The following EBF3 variants were observed in gnomAD, a reference collection of about 807,000 sequenced individuals.
EBF3 encodes EBF transcription factor 3, also known as transcription factor COE3.
In EBF3, 18 loss-of-function variants were observed where a neutral mutation model predicts 77.1. That is an observed-to-expected ratio of 0.23 (90% confidence interval 0.16 to 0.35). EBF3 has a LOEUF of 0.35. Ranked by LOEUF, EBF3 falls within the 10% of genes least tolerant of loss-of-function variation. The pLI, the probability that EBF3 is intolerant of heterozygous loss-of-function variation, is 1.00. For synonymous variants in EBF3, 350 were observed against 343.5 expected (o/e 1.02, Z -0.21); for missense variants, 558 against 860.0 (o/e 0.65, Z 4.39).
chr10:129,886,354 G>A (rs1853584289), intron 6 of EBF3, among the ~76,000 whole-genome samples: 1 of 152,218 alleles, frequency 6.6e-6, no homozygotes, highest in African/African-American at 2.4e-5. Flanking sequence ...TGCAGGTAAT[G>A]CAGCTTAATG....
In EBF3 at chr10:129,935,270, A is replaced by G. The variant is rs1015679300; in HGVS notation, c.554+21988T>C. On this transcript the variant is annotated intron_variant, in intron 6 of 16. Transcript: ENST00000440978. The surrounding 1 kb of genome is among the most constrained non-coding windows in gnomAD (Gnocchi z 4.2). Reference sequence around the variant, plus strand: ...CACTGTGGCCCATGGCTGTCCCAGCACCCAGAGTGGAGTTGGGAACCAGGC... The same window carrying G: ...CACTGTGGCCCATGGCTGTCCCAGCGCCCAGAGTGGAGTTGGGAACCAGGC... Among the ~76,000 whole-genome samples the G allele has an allele frequency of 2.0e-5, 3 of 152,096 alleles. No homozygotes were observed. The highest frequency in any genetic ancestry group is 7.2e-5 in the African/African-American group (3 of 41,414).
chr10:129,963,292 G>T lies in EBF3; in HGVS notation c.291+75C>A. 1 of 1,537,614 alleles carries T rather than the reference G, an allele frequency of 6.5e-7. No homozygotes were observed. Among genetic ancestry groups the T allele is most frequent in the South Asian group, 1.2e-5 (1 of 82,430 alleles). ...GAGCCCGCCGCCTAGGGGGGCACTC[G>T]AACCCCCGCGCACCGGCACCGCCTG... is the stretch of plus-strand genomic sequence containing the variant. On this transcript the variant is annotated intron_variant, in intron 2 of 16. Transcript: ENST00000440978. The surrounding 1 kb of genome is among the most constrained non-coding windows in gnomAD (Gnocchi z 7.1).
In EBF3 at chr10:129,963,050, G is replaced by C; in HGVS notation, c.292-45C>G. ...ATTGCATTTAGTGCGATCGGTGTCA[G>C]GCGCGGCCACCACGCTCGGTCCCCC... is the stretch of plus-strand genomic sequence containing the variant. On this transcript the variant is annotated intron_variant, in intron 2 of 16. Transcript: ENST00000440978. The surrounding 1 kb of genome is among the most constrained non-coding windows in gnomAD (Gnocchi z 7.1). 1 of 1,612,236 alleles carries C rather than the reference G, an allele frequency of 6.2e-7. No homozygotes were observed. Among genetic ancestry groups the C allele is most frequent in the Non-Finnish European group, 8.5e-7 (1 of 1,178,458 alleles).
chr10:129,930,988 CA>C (rs1000426201), intron 6 of EBF3, among the ~76,000 whole-genome samples: 3 of 143,676 alleles, frequency 2.1e-5, no homozygotes, highest in African/African-American at 7.8e-5. Context: ...TATATCTCTA[CA>C]TTAACAAATC....
intron 6 of EBF3, among the ~76,000 whole-genome samples, chr10:129,950,222 A>C (rs1398264374): frequency 1.3e-5 from 2 of 152,170 alleles, no homozygotes; most frequent in Admixed American, 1.3e-4. Context: ...CTTTCCGCAC[A>C]TGTTAAACTC....
Position 129,938,807 on chromosome 10 carries a change from A to G in EBF3, c.554+18451T>C, listed in dbSNP as rs749652078. Among the ~76,000 whole-genome samples, 1 of 152,100 alleles carries G rather than the reference A, an allele frequency of 6.6e-6. No homozygotes were observed. Among genetic ancestry groups the G allele is most frequent in the Non-Finnish European group, 1.5e-5 (1 of 68,022 alleles). On this transcript the variant is annotated intron_variant, in intron 6 of 16. Coordinates refer to ENST00000440978, the MANE Select transcript of EBF3 (RefSeq NM_001375380.1). The surrounding 1 kb of genome is among the most constrained non-coding windows in gnomAD (Gnocchi z 5.1). ...ACATGGGGGTCTTCGTGGCCCATAAAACCAACCTGGGGAAAGAGAACAGAA... is the reference window on the plus strand; with the variant it reads ...ACATGGGGGTCTTCGTGGCCCATAAGACCAACCTGGGGAAAGAGAACAGAA...
chr10:129,935,984 C>CCA lies in EBF3; in HGVS notation c.554+21273_554+21274insTG, dbSNP rs1857330072. Among the ~76,000 whole-genome samples, 1 of 150,884 alleles carries CCA rather than the reference C, an allele frequency of 6.6e-6. No homozygotes were observed. The highest frequency in any genetic ancestry group is 1.5e-5 in the Non-Finnish European group (1 of 68,012). On this transcript the variant is annotated intron_variant, in intron 6 of 16. Transcript: ENST00000440978. The surrounding 1 kb of genome is among the most constrained non-coding windows in gnomAD (Gnocchi z 4.2). ...CGGGGGGCTTCCTGAAGCTGCCCCC[C>CCA]CCGCCCAACAATGCAGCTGGTGCCC...
intron 11 of EBF3, among the ~76,000 whole-genome samples, chr10:129,846,470 C>T (rs1850473271): frequency 6.6e-6 from 1 of 151,810 alleles, no homozygotes; most frequent in Non-Finnish European, 1.5e-5. Context: ...TTTACATCTG[C>T]GGAATCTCAT....
rs2134076746 is a variant in EBF3 at position 129,867,207 on chromosome 10, C to T, written c.973G>A (p.Glu325Lys). Residue 325 changes from glutamate to lysine, a missense_variant, in exon 10 of 17, where the codon GAA becomes AAA. By Grantham distance (56) the Glu-to-Lys change is moderately conservative (BLOSUM62 1). This residue lies in a region of EBF3 where 112 missense variants were observed against 207.7 expected (regional missense o/e 0.54). Coordinates refer to ENST00000440978, the MANE Select transcript of EBF3 (RefSeq NM_001375380.1). ...TTGGATTTGTAGGAGAGGGTCACTTCGACGACGCCAGGAATGTGCCTCGGC... is the reference window on the plus strand; with the variant it reads ...TTGGATTTGTAGGAGAGGGTCACTTTGACGACGCCAGGAATGTGCCTCGGC... The part of the protein sequence containing the change: ...TPPRHIPGVV[E>K]VTLSYKSKQF... The T allele has an allele frequency of 6.2e-7, 1 of 1,614,094 alleles. No homozygotes were observed. Among genetic ancestry groups the T allele is most frequent in the Non-Finnish European group, 8.5e-7 (1 of 1,180,036 alleles).
At chr10:129,895,946 C>T (rs1854340184) in intron 6 of EBF3, among the ~76,000 whole-genome samples, 1 of 152,190 alleles carries the variant, frequency 6.6e-6, no homozygotes, top group Non-Finnish European at 1.5e-5. Flanking sequence ...CGTGTGGAGC[C>T]ATACTGTAAT....
intron 6 of EBF3, among the ~76,000 whole-genome samples, chr10:129,912,265 C>T (rs530593318): frequency 1.3e-5 from 2 of 152,308 alleles, no homozygotes; most frequent in East Asian, 3.9e-4. Context: ...GGCTCCTCTC[C>T]CCACTATCAA....
At chr10:129,893,920 G>C (rs1367788061) in intron 6 of EBF3, among the ~76,000 whole-genome samples, 6 of 152,202 alleles carry the variant, frequency 3.9e-5, no homozygotes, top group African/African-American at 1.2e-4. Flanking sequence ...CCCCACGTGT[G>C]AGGGACTCTC....
chr10:129,918,600 G>A (rs1444115380), intron 6 of EBF3, among the ~76,000 whole-genome samples: 2 of 152,214 alleles, frequency 1.3e-5, no homozygotes, highest in African/African-American at 4.8e-5. Context: ...AACCCTGTGT[G>A]TTCGCATGGT....
intron 11 of EBF3, among the ~76,000 whole-genome samples, chr10:129,845,173 G>C (rs1010798074): frequency 6.6e-6 from 1 of 152,204 alleles, no homozygotes; most frequent in African/African-American, 2.4e-5. Flanking sequence ...TCATATCAGA[G>C]AGACACAAAA....
At chr10:129,903,690 T>C (rs959674771) in intron 6 of EBF3, among the ~76,000 whole-genome samples, 1 of 152,182 alleles carries the variant, frequency 6.6e-6, no homozygotes, top group Non-Finnish European at 1.5e-5. Flanking sequence ...TGGAGGAAGA[T>C]GTGATTTTTG....
Position 129,836,035 on chromosome 10 carries a change from A to G in EBF3, c.*1908T>C, listed in dbSNP as rs1486668608. On this transcript the variant is annotated 3_prime_UTR_variant, in exon 17 of 17. Transcript: ENST00000440978. ...TTGGGTCCCCCTGAAACCTCTGTGA[A>G]TCGGAGGTGGGCCCAGGAGGGTGCA... 1 of 152,608 alleles carries G rather than the reference A, an allele frequency of 6.6e-6. No individual in the cohort carries two copies. The allele number at this position is 152,608 out of a possible 1,614,324, so 9.5% of individuals were successfully genotyped here.
rs1232365793 is a variant in EBF3, at chr10:129,928,581, T to C, written c.554+28677A>G. Among the ~76,000 whole-genome samples the C allele has an allele frequency of 2.0e-5, 3 of 152,220 alleles. No individual in the cohort carries two copies. In the East Asian group the frequency reaches 5.8e-4, roughly 29 times the overall value. ...CCACAATGCAGTCTTCATTCATAAA[T>C]TATCTGCATTTCTAGGTGCTTAGGA... On this transcript the variant is annotated intron_variant, in intron 6 of 16. Transcript: ENST00000440978.
chr10:129,938,255 C>T lies in EBF3; in HGVS notation c.554+19003G>A, dbSNP rs780777899. ...TAGTGGGTTTTTTTAAAGTTCATGG[C>T]GGGGCCGGGTGCAATGGCTCTCATC... On this transcript the variant is annotated intron_variant, in intron 6 of 16. Coordinates refer to ENST00000440978, the MANE Select transcript of EBF3 (RefSeq NM_001375380.1). This position sits in a 1 kb window ranked among gnomAD's most constrained non-coding sequence, Gnocchi z 5.1. Among the ~76,000 whole-genome samples the T allele has an allele frequency of 1.3e-5, 2 of 151,752 alleles. No individual in the cohort carries two copies. The highest frequency in any genetic ancestry group is 4.8e-5 in the African/African-American group (2 of 41,282).
At chr10:129,958,514 T>C (rs762553944) in intron 5 of EBF3, among the ~76,000 whole-genome samples, 6 of 152,286 alleles carry the variant, frequency 3.9e-5, no homozygotes, top group African/African-American at 9.6e-5. Flanking sequence ...AATTCTCACA[T>C]ACACGCGCGC....
Sources: gnomAD v4.1 joint callset for allele counts (sites outside exome capture counted in the v4.1 genomes callset) on GRCh38, gnomAD v4.1.1 for gene constraint, gnomAD v4.1.1 regional missense constraint, Gnocchi (gnomAD v3.1) non-coding constraint, MANE v1.5 for transcripts, NCBI Gene and HGNC (gene_info 2026-07-23, HGNC 2026-07-21) for gene names.